CTIF: variants seen among roughly 807,000 people sequenced by gnomAD.
The protein encoded by CTIF is cap binding complex dependent translation initiation factor.
In CTIF, 21 loss-of-function variants were observed where a neutral mutation model predicts 66.0. The ratio of observed to expected loss-of-function variants is 0.32; its 90% confidence interval spans 0.23 to 0.46. The LOEUF is 0.46. Ranked by LOEUF, CTIF falls within the 20% of genes least tolerant of loss-of-function variation. The pLI is 1.00. For missense variants in CTIF, 739 were observed against 812.7 expected (o/e 0.91, Z 1.10); for synonymous variants, 345 against 326.4 (o/e 1.06, Z -0.62).
At chr18:48,847,653 G>A (rs983416270) in intron 10 of CTIF, among the ~76,000 whole-genome samples, 9 of 152,174 alleles carry the variant, frequency 5.9e-5, no homozygotes, top group East Asian at 1.9e-4. Flanking sequence ...AACACCTTAC[G>A]TTTGAATCAA....
intron 3 of CTIF, among the ~76,000 whole-genome samples, chr18:48,651,702 C>T (rs151034122): frequency 1.3e-5 from 2 of 152,294 alleles, no homozygotes; most frequent in East Asian, 3.9e-4. Flanking sequence ...CCAAAATTGA[C>T]CACTTAGTTG....
At chr18:48,743,531 G>A (rs2092571794) in intron 7 of CTIF, among the ~76,000 whole-genome samples, 1 of 152,222 alleles carries the variant, frequency 6.6e-6, no homozygotes, top group Non-Finnish European at 1.5e-5. Flanking sequence ...AAGCCACAGT[G>A]TAATGGTAAT....
intron 9 of CTIF, among the ~76,000 whole-genome samples, chr18:48,774,904 A>G (rs992025321): frequency 6.6e-6 from 1 of 152,184 alleles, no homozygotes; most frequent in African/African-American, 2.4e-5. Flanking sequence ...GGAGCGCCAC[A>G]TATTGGACCC....
intron 7 of CTIF, among the ~76,000 whole-genome samples, chr18:48,742,463 C>T (rs963991702): frequency 5.3e-5 from 8 of 152,244 alleles, no homozygotes; most frequent in African/African-American, 1.2e-4. Flanking sequence ...CCACAGGAAC[C>T]GTAGCAATGC....
intron 9 of CTIF, among the ~76,000 whole-genome samples, chr18:48,787,964 C>T (rs563771245): frequency 6.6e-6 from 1 of 152,262 alleles, no homozygotes; most frequent in Non-Finnish European, 1.5e-5. Flanking sequence ...GATTGTCTCT[C>T]CTGGGGGTGA....
intron 6 of CTIF, among the ~76,000 whole-genome samples, chr18:48,682,649 T>C (rs1322424450): frequency 6.6e-6 from 1 of 152,204 alleles, no homozygotes; most frequent in African/African-American, 2.4e-5. Context: ...GTTTTTACCA[T>C]TATTTTGCTC....
intron 3 of CTIF, among the ~76,000 whole-genome samples, chr18:48,654,988 G>T (rs1234278663): frequency 6.6e-6 from 1 of 151,990 alleles, no homozygotes; most frequent in Non-Finnish European, 1.5e-5. Context: ...TGGGGGGCAG[G>T]GGGAGAGATA....
intron 1 of CTIF, among the ~76,000 whole-genome samples, chr18:48,559,360 C>G (rs768821392): frequency 6.6e-6 from 1 of 152,068 alleles, no homozygotes; most frequent in Non-Finnish European, 1.5e-5. Flanking sequence ...CCTACCACCC[C>G]CCCCAATCCT....
intron 9 of CTIF, among the ~76,000 whole-genome samples, chr18:48,771,001 C>T (rs926970258): frequency 6.6e-6 from 1 of 152,146 alleles, no homozygotes; most frequent in Non-Finnish European, 1.5e-5. Context: ...CATTTCCCCC[C>T]CCTACGCTGA....
intron 1 of CTIF, among the ~76,000 whole-genome samples, chr18:48,614,890 G>GTTGTT (rs60311500): frequency 0.066 from 9,999 of 151,760 alleles, 353 homozygotes; most frequent in Middle Eastern, 0.15. Flanking sequence ...TTTTGTTGTT[G>GTTGTT]TTGTTTTGTT....
intron 1 of CTIF, among the ~76,000 whole-genome samples, chr18:48,587,733 C>A (rs542320275): frequency 6.4e-4 from 98 of 152,236 alleles, no homozygotes; most frequent in African/African-American, 1.8e-3. Flanking sequence ...CTGTATTTTT[C>A]TTTTTTCCCC....
At chr18:48,849,556 C>T (rs927623405) in intron 10 of CTIF, among the ~76,000 whole-genome samples, 4 of 148,578 alleles carry the variant, frequency 2.7e-5, no homozygotes, top group Admixed American at 2.7e-4. Context: ...ATACATATAA[C>T]ATTATGTAAA....
At chr18:48,720,754 G>A (rs565906214) in intron 7 of CTIF, among the ~76,000 whole-genome samples, 17 of 152,206 alleles carry the variant, frequency 1.1e-4, no homozygotes, top group African/African-American at 3.6e-4. Flanking sequence ...AAAGCCCCAC[G>A]CTTTGTACAA....
At chr18:48,711,269 C>A (rs1404047458) in intron 6 of CTIF, among the ~76,000 whole-genome samples, 1 of 152,228 alleles carries the variant, frequency 6.6e-6, no homozygotes, top group African/African-American at 2.4e-5. Flanking sequence ...GCTGCAGAAC[C>A]TGGCCCCAGC....
intron 10 of CTIF, among the ~76,000 whole-genome samples, chr18:48,837,656 C>T (rs2068842305): frequency 6.6e-6 from 1 of 152,200 alleles, no homozygotes; most frequent in Non-Finnish European, 1.5e-5. Flanking sequence ...ACTCTGACTG[C>T]ACCAGAAACA....
At chr18:48,582,956 G>A (rs796887627) in intron 1 of CTIF, among the ~76,000 whole-genome samples, 9 of 152,190 alleles carry the variant, frequency 5.9e-5, no homozygotes, top group South Asian at 2.1e-4. Flanking sequence ...CTGCAGAATC[G>A]CTTTCATCAT....
chr18:48,836,005 C>T (rs149966691), intron 10 of CTIF, among the ~76,000 whole-genome samples: 1,711 of 152,264 alleles, frequency 0.011, 20 homozygotes, highest in Admixed American at 0.021. Context: ...GGACAGGCAC[C>T]GGGCTGTTTG....
intron 4 of CTIF, 70 bp from the exon 5 acceptor site, chr18:48,664,376 GC>G: frequency 2.2e-6 from 3 of 1,347,450 alleles, no homozygotes; most frequent in African/African-American, 1.4e-5. Context: ...GTTCAGCCTG[GC>G]CCCCTGGTTC....
chr18:48,847,779 G>GC (rs1205740965), intron 10 of CTIF, among the ~76,000 whole-genome samples: 1 of 152,236 alleles, frequency 6.6e-6, no homozygotes, highest in African/African-American at 2.4e-5. Flanking sequence ...GAGTGATTAA[G>GC]TGGCATGCCA....
Sources: gnomAD v4.1 joint callset for allele counts (sites outside exome capture counted in the v4.1 genomes callset) on GRCh38, gnomAD v4.1.1 for gene constraint, MANE v1.5 for transcripts, NCBI Gene and HGNC (gene_info 2026-07-23, HGNC 2026-07-21) for gene names.